Variants in SETD2 observed in about 807,000 individuals in gnomAD.
The protein encoded by SETD2 is histone-lysine N-methyltransferase SETD2.
In SETD2, 31 loss-of-function variants were observed where a neutral mutation model predicts 242.1. The observed-to-expected ratio is 0.13, with a 90% confidence interval of 0.10 to 0.17. The LOEUF (loss-of-function observed/expected upper bound fraction) is 0.17. Ranked by LOEUF, SETD2 falls within the 10% of genes least tolerant of loss-of-function variation. SETD2 has a pLI of 1.00. For missense variants in SETD2, 2,481 were observed against 3,046.3 expected (o/e 0.81, Z 4.37); for synonymous variants, 1,006 against 1,066.5 (o/e 0.94, Z 1.11).
chr3:47,021,876 T>G (rs1193757043), intron 18 of SETD2, among the ~76,000 whole-genome samples: 1 of 152,156 alleles, frequency 6.6e-6, no homozygotes, highest in African/African-American at 2.4e-5. Flanking sequence ...AGGCTGGGTG[T>G]GGTGGCTCAC....
rs1341711015 is a variant in SETD2, at chr3:47,122,400, A to G, written c.2236T>C (p.Phe746Leu). The G allele has an allele frequency of 6.2e-7, 1 of 1,614,006 alleles. No individual in the cohort carries two copies. Among genetic ancestry groups the G allele is most frequent in the Non-Finnish European group, 8.5e-7 (1 of 1,179,998 alleles). The stretch of plus-strand genomic sequence containing the variant: ...GACACCAGAGGTTCTGTTTCTCTAA[A>G]TGGGCTTTCTGACTTCTTATGCAGC... ...CMLHKKSESP[F>L]RETEPLVSPH... Residue 746 changes from phenylalanine (F) to leucine (L), a missense_variant, in exon 3 of 21, where the codon TTT becomes CTT. Physicochemically the swap from Phe to Leu is conservative, Grantham distance 22 (BLOSUM62 0). Coordinates refer to ENST00000409792, the MANE Select transcript of SETD2 (RefSeq NM_014159.7).
chr3:47,029,065 A>AT (rs35295276), intron 18 of SETD2: 2,568 of 156,718 alleles, frequency 0.016, 26 homozygotes, highest in African/African-American at 0.03. Flanking sequence ...CAAACTTTTA[A>AT]TTTTTTTTTT....
In SETD2 at chr3:47,067,066, C is replaced by T. The variant is rs1347631916; in HGVS notation, c.6109+4G>A. 6.2e-7 allele frequency: 1 copy of T among 1,603,236 alleles called. No individual in the cohort carries two copies. The highest frequency in any genetic ancestry group is 8.5e-7 in the Non-Finnish European group (1 of 1,170,716). On this transcript the variant is annotated splice_donor_region_variant and intron_variant, in intron 13 of 20. Transcript: ENST00000409792. ...ATCAACACAGAGTATCTCTGAATAC[C>T]TACTTGTGTTTTCCTTTTCAGTTTG...
At chr3:47,112,162 G>A (rs1429715510) in intron 5 of SETD2, among the ~76,000 whole-genome samples, 2 of 149,736 alleles carry the variant, frequency 1.3e-5, no homozygotes, top group African/African-American at 4.9e-5. Context: ...CCCCCAGGCT[G>A]GAATGCAGTG....
intron 17 of SETD2, among the ~76,000 whole-genome samples, chr3:47,041,656 G>GAC (rs756131656): frequency 5.9e-5 from 9 of 151,518 alleles, no homozygotes; most frequent in Non-Finnish European, 1.3e-4. Flanking sequence ...CACACACAGA[G>GAC]ACACACACAC....
At chr3:47,090,074 C>T (rs1453403102) in intron 9 of SETD2, among the ~76,000 whole-genome samples, 1 of 152,080 alleles carries the variant, frequency 6.6e-6, no homozygotes, top group Non-Finnish European at 1.5e-5. Flanking sequence ...ATGGTGAAAC[C>T]CTGTCTCTAA....
intron 1 of SETD2, among the ~76,000 whole-genome samples, chr3:47,127,778 C>T (rs1308872963): frequency 2.0e-5 from 3 of 152,130 alleles, no homozygotes; most frequent in Non-Finnish European, 4.4e-5. Flanking sequence ...CACTTGAACC[C>T]GGGAGGTGGA....
rs961316542 is a variant in SETD2, at chr3:47,059,427, G to GT, written c.6294-1938dup. ...CACTGCGCTCGGCCGCAAATTTTTT[G>GT]TTTTTTTTTTGAGACGGAGTCTTGC... On this transcript the variant is annotated intron_variant, in intron 14 of 20. Coordinates refer to ENST00000409792, the MANE Select transcript of SETD2 (RefSeq NM_014159.7). 4.2e-3 allele frequency among the ~76,000 whole-genome samples: 590 copies of GT among 140,120 alleles called. 2 individuals carry two copies. Among genetic ancestry groups the GT allele is most frequent in the African/African-American group, 0.012 (473 of 38,150 alleles). The allele number at this position is 140,120 out of a possible 152,430, so 91.9% of individuals were successfully genotyped here.
intron 12 of SETD2, among the ~76,000 whole-genome samples, chr3:47,068,861 C>A (rs913587012): frequency 6.6e-6 from 1 of 151,874 alleles, no homozygotes; most frequent in Non-Finnish European, 1.5e-5. Flanking sequence ...TGCAGTGGTG[C>A]GATCTCAGCT....
chr3:47,130,163 G>T (rs569355647), intron 1 of SETD2, among the ~76,000 whole-genome samples: 20 of 152,292 alleles, frequency 1.3e-4, no homozygotes, highest in African/African-American at 4.6e-4. Context: ...GACAAGAGGG[G>T]TAGAAGGCAA....
intron 16 of SETD2, among the ~76,000 whole-genome samples, chr3:47,044,188 A>G: frequency 6.6e-6 from 1 of 151,682 alleles, no homozygotes; most frequent in East Asian, 1.9e-4. Context: ...TAAAAATACA[A>G]AAGTATTAGC....
At chr3:47,142,589 A>T (rs1198961503) in intron 1 of SETD2, among the ~76,000 whole-genome samples, 1 of 152,134 alleles carries the variant, frequency 6.6e-6, no homozygotes, top group Non-Finnish European at 1.5e-5. Flanking sequence ...AAGGAAAAAA[A>T]GCAAGAAACA....
In SETD2 at chr3:47,084,303, C is replaced by T. The variant is rs1575745355; in HGVS notation, c.5477G>A (p.Arg1826His). The change falls in exon 12 of 21, where the codon CGC (arginine) becomes CAC (histidine). Residue 1826 changes from arginine (R) to histidine (H), a missense_variant. By Grantham distance (29) the Arg-to-His change is conservative. This residue lies in a region of SETD2 where 203 missense variants were observed against 222.4 expected (regional missense o/e 0.91). Transcript: ENST00000409792. ...GACAGCAGTCTTAGTCTGAGACCAG[C>T]GTTGAATAATTGGAAGTACTTTGCT... ...EESKVLPIIQ[R>H]WSQTKTAVPP... The T allele has an allele frequency of 1.2e-6, 2 of 1,613,744 alleles. No individual in the cohort carries two copies. The highest frequency in any genetic ancestry group is 8.5e-7 in the Non-Finnish European group (1 of 1,179,886).
intron 18 of SETD2, among the ~76,000 whole-genome samples, chr3:47,033,652 A>ATTTTTTT (rs34978514): frequency 6.6e-5 from 6 of 90,856 alleles, no homozygotes; most frequent in Admixed American, 1.6e-4. Flanking sequence ...TCATGGTTTG[A>ATTTTTTT]TTTTTTTTTT....
intron 4 of SETD2, 61 bp downstream of exon 4, chr3:47,116,557 TAATTC>T: frequency 5.3e-5 from 79 of 1,488,962 alleles, no homozygotes; most frequent in Non-Finnish European, 6.5e-5. Context: ...TCTTCATTGA[TAATTC>T]AATATTTAGA....
At chr3:47,049,725 T>G (rs1266398012) in intron 15 of SETD2, among the ~76,000 whole-genome samples, 1 of 143,030 alleles carries the variant, frequency 7.0e-6, no homozygotes, top group African/African-American at 2.5e-5. Context: ...TATAAACTTA[T>G]TCTGAGTTTA....
intron 12 of SETD2, among the ~76,000 whole-genome samples, chr3:47,079,420 C>T (rs1274396754): frequency 1.3e-5 from 2 of 152,108 alleles, no homozygotes; most frequent in Non-Finnish European, 2.9e-5. Context: ...ACTTCCTAAA[C>T]AGCATCAAGA....
At chr3:47,162,044 A>T (rs1025190533) in intron 1 of SETD2, among the ~76,000 whole-genome samples, 1 of 152,198 alleles carries the variant, frequency 6.6e-6, no homozygotes, top group African/African-American at 2.4e-5. Flanking sequence ...ACCATAAAAC[A>T]TTCTTGATTC....
intron 1 of SETD2, among the ~76,000 whole-genome samples, chr3:47,133,009 T>C (rs1409495524): frequency 6.6e-6 from 1 of 152,190 alleles, no homozygotes; most frequent in Non-Finnish European, 1.5e-5. Flanking sequence ...AATTTGATCA[T>C]TGTAATGTTG....
Sources: gnomAD v4.1 joint callset for allele counts (sites outside exome capture counted in the v4.1 genomes callset) on GRCh38, gnomAD v4.1.1 for gene constraint, gnomAD v4.1.1 regional missense constraint, MANE v1.5 for transcripts, NCBI Gene and HGNC (gene_info 2026-07-23, HGNC 2026-07-21) for gene names.